SYT10: variants seen among roughly 807,000 people sequenced by gnomAD.
SYT10 encodes synaptotagmin-10.
A neutral mutation model predicts 51.1 loss-of-function variants in SYT10; 31 were observed. That is an observed-to-expected ratio of 0.61 (90% CI 0.46 to 0.82). The LOEUF (loss-of-function observed/expected upper bound fraction) is 0.82. Among genes scored for constraint, SYT10 ranks in the 40% least tolerant of loss-of-function variants. The pLI, the probability that SYT10 is intolerant of heterozygous loss-of-function variation, is 0.00. For missense variants in SYT10, 603 were observed against 634.0 expected (o/e 0.95, Z 0.53); for synonymous variants, 233 against 225.9 (o/e 1.03, Z -0.28).
intron 3 of SYT10, among the ~76,000 whole-genome samples, chr12:33,393,730 C>T (rs184873893): frequency 1.6e-4 from 25 of 152,248 alleles, no homozygotes; most frequent in Admixed American, 1.4e-3. Flanking sequence ...ACCTGACTCT[C>T]GGCTATCTCT....
rs1210463367 is a variant in SYT10 at position 33,439,641 on chromosome 12, G to T, written c.-119C>A. 2 of 1,295,704 alleles carry T rather than the reference G, an allele frequency of 1.5e-6. No homozygotes were observed. The highest frequency in any genetic ancestry group is 2.1e-6 in the Non-Finnish European group (2 of 950,554). 80.3% of individuals were successfully genotyped at this position (1,295,704 alleles called of 1,614,324 possible). Reference sequence around the variant, plus strand: ...TCCGCCCGCGGTGACTTTGGCTGGAGATTGCGCCGCTGAGAGCCGGCAACT... The same window carrying T: ...TCCGCCCGCGGTGACTTTGGCTGGATATTGCGCCGCTGAGAGCCGGCAACT... On this transcript the variant is annotated 5_prime_UTR_variant, in exon 1 of 7. Coordinates refer to ENST00000228567, the MANE Select transcript of SYT10 (RefSeq NM_198992.4).
chr12:33,433,552 C>A (rs1224059272), intron 1 of SYT10, among the ~76,000 whole-genome samples: 1 of 152,114 alleles, frequency 6.6e-6, no homozygotes, highest in East Asian at 1.9e-4. Context: ...TTCAAACACA[C>A]TAAAAATCTT....
intron 3 of SYT10, among the ~76,000 whole-genome samples, chr12:33,398,911 A>G (rs61927677): frequency 0.1 from 15,547 of 152,228 alleles, 1,045 homozygotes; most frequent in South Asian, 0.17. Context: ...ATACAGAGAT[A>G]AGTGACACAG....
rs1478545898 is a variant in SYT10 at position 33,375,838 on chromosome 12, C to T, written c.*992G>A. 1 of 152,482 alleles carries T rather than the reference C, an allele frequency of 6.6e-6. No individual in the cohort carries two copies. Among genetic ancestry groups the T allele is most frequent in the African/African-American group, 2.4e-5 (1 of 41,432 alleles). 9.4% of individuals were successfully genotyped at this position (152,482 alleles called of 1,614,324 possible). A position where few individuals can be genotyped will look rare whatever the true frequency, so the allele number is the denominator to read the frequency against. On this transcript the variant is annotated 3_prime_UTR_variant, in exon 7 of 7. Transcript: ENST00000228567. Reference sequence around the variant, plus strand: ...GTTTAAGAGTCACCATTACTGTGTACAATCTAAACGGTGATGAACACAGAC... The same window carrying T: ...GTTTAAGAGTCACCATTACTGTGTATAATCTAAACGGTGATGAACACAGAC...
chr12:33,419,694 A>C (rs1866484351), intron 2 of SYT10, among the ~76,000 whole-genome samples: 1 of 149,066 alleles, frequency 6.7e-6, no homozygotes. Context: ...ATATGACATA[A>C]ACACCATAAA....
intron 2 of SYT10, among the ~76,000 whole-genome samples, chr12:33,421,639 CAGT>C (rs1866505905): frequency 6.6e-6 from 1 of 152,030 alleles, no homozygotes; most frequent in African/African-American, 2.4e-5. Flanking sequence ...TGTGCCTACA[CAGT>C]GGTGGAATAG....
chr12:33,437,428 A>G (rs78119108), intron 1 of SYT10, among the ~76,000 whole-genome samples: 7,681 of 152,272 alleles, frequency 0.05, 352 homozygotes, highest in African/African-American at 0.12. Flanking sequence ...AAAACTGAGA[A>G]CTATTTCTAT....
chr12:33,389,503 C>A (rs1464164629), intron 3 of SYT10, among the ~76,000 whole-genome samples: 1 of 151,836 alleles, frequency 6.6e-6, no homozygotes, highest in Non-Finnish European at 1.5e-5. Flanking sequence ...ATTTCTTTAT[C>A]TTGAGTAGGC....
intron 2 of SYT10, among the ~76,000 whole-genome samples, chr12:33,410,527 G>A (rs375458180): frequency 0.021 from 1,952 of 93,480 alleles, 36 homozygotes; most frequent in African/African-American, 0.096. Flanking sequence ...TTTGTTTAAA[G>A]GACCTATCGT....
intron 2 of SYT10, among the ~76,000 whole-genome samples, chr12:33,408,914 C>A (rs1377774058): frequency 1.3e-5 from 2 of 152,142 alleles, no homozygotes. Flanking sequence ...TTTTCTAAAT[C>A]CTGTTGCTTT....
chr12:33,432,837 A>C (rs1866607906), intron 1 of SYT10: 9 of 152,094 alleles, frequency 5.9e-5, no homozygotes. Flanking sequence ...TAAGGAAAAA[A>C]AGTCATTAAT....
chr12:33,381,433 T>C (rs1905427), intron 5 of SYT10, among the ~76,000 whole-genome samples: 109,028 of 152,048 alleles, frequency 0.72, 40,718 homozygotes, highest in East Asian at 0.95. Context: ...TGTTTATGTG[T>C]TGATAATTTT....
chr12:33,416,510 T>A (rs1427659588), intron 2 of SYT10, among the ~76,000 whole-genome samples: 4 of 152,180 alleles, frequency 2.6e-5, no homozygotes, highest in Non-Finnish European at 4.4e-5. Flanking sequence ...CTTCATTATC[T>A]TAGTCTTCTG....
rs1274649398 is a variant in SYT10 at position 33,374,581 on chromosome 12, A to C, written c.*2249T>G. ...TCATGCCTTATTAATCTGAGCATAA[A>C]CCTACCTCCTGAATTACATGAAAGA... On this transcript the variant is annotated 3_prime_UTR_variant, in exon 7 of 7. Coordinates refer to ENST00000228567, the MANE Select transcript of SYT10 (RefSeq NM_198992.4). The C allele has an allele frequency of 6.6e-6, 1 of 151,896 alleles. No individual in the cohort carries two copies. The highest frequency in any genetic ancestry group is 1.5e-5 in the Non-Finnish European group (1 of 67,902). 9.4% of individuals were successfully genotyped at this position (151,896 alleles called of 1,614,324 possible). A position where few individuals can be genotyped will look rare whatever the true frequency, so the allele number is the denominator to read the frequency against.
chr12:33,392,893 C>T (rs1381520427), intron 3 of SYT10, among the ~76,000 whole-genome samples: 2 of 143,072 alleles, frequency 1.4e-5, no homozygotes, highest in African/African-American at 2.6e-5. Context: ...AGAATGCCCA[C>T]GTTTCTGCTC....
intron 5 of SYT10, among the ~76,000 whole-genome samples, chr12:33,380,909 C>T (rs1183847438): frequency 6.6e-6 from 1 of 152,032 alleles, no homozygotes; most frequent in African/African-American, 2.4e-5. Context: ...AATTTCATTA[C>T]TTTTTTTTCC....
At chr12:33,421,140 A>G (rs977018269) in intron 2 of SYT10, among the ~76,000 whole-genome samples, 1 of 152,058 alleles carries the variant, frequency 6.6e-6, no homozygotes, top group Non-Finnish European at 1.5e-5. Flanking sequence ...ATAATTCTTA[A>G]TTTTTCTTAT....
intron 3 of SYT10, among the ~76,000 whole-genome samples, 185 bp downstream of exon 3, chr12:33,406,604 G>T (rs1293705523): frequency 1.3e-5 from 2 of 152,058 alleles, no homozygotes; most frequent in African/African-American, 2.4e-5. Flanking sequence ...AATCACTAGG[G>T]TTACTAGTAT....
chr12:33,413,120 A>G (rs1866422387), intron 2 of SYT10, among the ~76,000 whole-genome samples: 1 of 152,194 alleles, frequency 6.6e-6, no homozygotes, highest in Admixed American at 6.5e-5. Context: ...AAGCGAGAAG[A>G]GAAGTTTAGA....
Sources: allele counts gnomAD v4.1 joint callset (sites outside exome capture counted in the v4.1 genomes callset), GRCh38; gene constraint gnomAD v4.1.1; transcripts MANE v1.5; gene names NCBI Gene and HGNC (gene_info 2026-07-23, HGNC 2026-07-21).